Variants in RMDN2 observed in about 807,000 individuals in gnomAD.
RMDN2 encodes the protein regulator of microtubule dynamics 2.
Under a neutral mutation model 52.8 loss-of-function variants are expected in RMDN2, and 61 were observed. That is an observed-to-expected ratio of 1.16 (90% CI 0.94 to 1.43). RMDN2 has a LOEUF of 1.43. Among genes scored for constraint, RMDN2 ranks in the 40% most tolerant of loss-of-function variants. The probability of loss-of-function intolerance (pLI) is 0.00; values close to 1 mark genes in which losing one functional copy is unlikely to be tolerated. For missense variants in RMDN2, 592 were observed against 475.3 expected (o/e 1.25, Z -2.28); for synonymous variants, 180 against 153.1 (o/e 1.18, Z -1.30).
intron 2 of RMDN2, among the ~76,000 whole-genome samples, chr2:37,941,590 G>T (rs547748195): frequency 4.6e-5 from 7 of 152,230 alleles, no homozygotes; most frequent in Non-Finnish European, 1.0e-4. Context: ...GGGATGCCCT[G>T]CCCAGAGAGG....
intron 10 of RMDN2, chr2:38,012,772 C>G (rs555664136): frequency 8.4e-5 from 25 of 296,178 alleles, no homozygotes; most frequent in African/African-American, 5.6e-4. Flanking sequence ...AGTGATTTTG[C>G]TAACCAAGTT....
intron 10 of RMDN2, among the ~76,000 whole-genome samples, chr2:38,013,910 G>T (rs893311439): frequency 6.6e-6 from 1 of 152,156 alleles, no homozygotes; most frequent in African/African-American, 2.4e-5. Context: ...GTACTTTTTA[G>T]AAAATTAATA....
At chr2:37,987,620 G>T (rs897487658) in intron 5 of RMDN2, among the ~76,000 whole-genome samples, 2 of 152,202 alleles carry the variant, frequency 1.3e-5, no homozygotes, top group Admixed American at 1.3e-4. Context: ...GTATACACAT[G>T]TCATTATACA....
In RMDN2 at chr2:37,974,205, CA is replaced by C. The variant is rs1352337189; in HGVS notation, c.621del (p.Glu208LysfsTer7). Reference protein sequence around the residue: ...SESFELLRDHKEKFRDEIEFM... With the variant: ...SESFELLRDHXEKFRDEIEFM... ...AGAGTTTTGAACTACTTCGTGACCA[CA>C]AAGAAAAGGTAAGAGACATAACAAT... is the stretch of plus-strand genomic sequence containing the variant. On this transcript the variant is annotated frameshift_variant, in exon 3 of 11. Coordinates refer to ENST00000354545, the MANE Select transcript of RMDN2 (RefSeq NM_001170791.3). LOFTEE classifies it high-confidence loss of function. 6.2e-7 allele frequency: 1 copy of C among 1,609,600 alleles called. No homozygotes were observed. Among genetic ancestry groups the C allele is most frequent in the Non-Finnish European group, 8.5e-7 (1 of 1,177,954 alleles).
chr2:37,938,485 G>T (rs1352383260), intron 2 of RMDN2, among the ~76,000 whole-genome samples: 2 of 152,210 alleles, frequency 1.3e-5, no homozygotes, highest in Admixed American at 1.3e-4. Flanking sequence ...GCTCCACTTT[G>T]TACCTCTGGT....
chr2:37,987,284 A>G (rs1572952068), intron 5 of RMDN2, among the ~76,000 whole-genome samples: 1 of 152,188 alleles, frequency 6.6e-6, no homozygotes, highest in Non-Finnish European at 1.5e-5. Flanking sequence ...TCTATGAGAA[A>G]CGCTTAACAA....
chr2:37,942,805 C>G (rs1000007916), intron 2 of RMDN2, among the ~76,000 whole-genome samples: 2 of 152,160 alleles, frequency 1.3e-5, no homozygotes, highest in Non-Finnish European at 2.9e-5. Context: ...CAGGCACTGT[C>G]TGAACTCTGG....
intron 10 of RMDN2, among the ~76,000 whole-genome samples, chr2:38,066,247 A>G (rs1682274719): frequency 6.6e-6 from 1 of 152,182 alleles, no homozygotes; most frequent in South Asian, 2.1e-4. Flanking sequence ...TCTTCCCTCC[A>G]TATCTGACAC....
chr2:38,034,731 A>G (rs1331537413), intron 10 of RMDN2, among the ~76,000 whole-genome samples: 1 of 150,850 alleles, frequency 6.6e-6, no homozygotes, highest in Non-Finnish European at 1.5e-5. Flanking sequence ...TTATTTATAA[A>G]TTATACGTAT....
Position 38,017,552 on chromosome 2 carries a change from A to G in RMDN2, c.*313A>G. The G allele has an allele frequency of 8.6e-7, 1 of 1,160,424 alleles. No homozygotes were observed. Among genetic ancestry groups the G allele is most frequent in the Non-Finnish European group, 1.1e-6 (1 of 877,440 alleles). 71.9% of individuals were successfully genotyped at this position (1,160,424 alleles called of 1,614,324 possible). A position where few individuals can be genotyped will look rare whatever the true frequency, so the allele number is the denominator to read the frequency against. On this transcript the variant is annotated 3_prime_UTR_variant, in exon 11 of 11. Transcript: ENST00000354545. ...TTTAAATCCAATAAAATGAATTCTCATGAATATTTTATTGTTTCAATGGAG... is the reference window on the plus strand; with the variant it reads ...TTTAAATCCAATAAAATGAATTCTCGTGAATATTTTATTGTTTCAATGGAG...
intron 2 of RMDN2, among the ~76,000 whole-genome samples, chr2:37,943,711 A>G (rs1420900266): frequency 1.3e-5 from 2 of 152,138 alleles, no homozygotes; most frequent in African/African-American, 4.8e-5. Context: ...GCTCCATTCT[A>G]TTATATATGC....
downstream of RMDN2, among the ~76,000 whole-genome samples, chr2:38,022,424 G>C (rs999161158): frequency 1.3e-5 from 2 of 152,164 alleles, no homozygotes; most frequent in African/African-American, 4.8e-5. Flanking sequence ...CTGAAATGAG[G>C]ATTGTTCCTG....
At chr2:38,020,093 A>G (rs901439632), downstream of RMDN2, among the ~76,000 whole-genome samples, 1 of 152,208 alleles carries the variant, frequency 6.6e-6, no homozygotes, top group East Asian at 1.9e-4. Context: ...ACCAGGGGCC[A>G]GTTTCATGGA....
In RMDN2 at chr2:38,024,915, A is replaced by G. The variant is rs368726854; in HGVS notation, c.1713+20699A>G. On this transcript the variant is annotated intron_variant, in intron 10 of 10. Transcript: ENST00000234195. ...ATTTATTGATCTCAACACCAATACC[A>G]CATCATGTTGATTAATGTAGTTTTC... Among the ~76,000 whole-genome samples, 58 of 152,206 alleles carry G rather than the reference A, an allele frequency of 3.8e-4. No individual in the cohort carries two copies. In the East Asian group the frequency reaches 6.6e-3, roughly 17 times the overall value.
At chr2:38,021,546 T>C (rs1256288732), downstream of RMDN2, among the ~76,000 whole-genome samples, 3 of 151,896 alleles carry the variant, frequency 2.0e-5, no homozygotes, top group Admixed American at 2.0e-4. Flanking sequence ...AGGAAGAAAC[T>C]CCGAACACAT....
intron 2 of RMDN2, among the ~76,000 whole-genome samples, chr2:37,968,256 C>T (rs983401547): frequency 7.9e-5 from 12 of 151,966 alleles, no homozygotes; most frequent in Non-Finnish European, 1.6e-4. Context: ...GCCTGGCCAA[C>T]ATGGTGAAAC....
chr2:38,064,657 T>G (rs1164413790), intron 10 of RMDN2, among the ~76,000 whole-genome samples: 2 of 152,082 alleles, frequency 1.3e-5, no homozygotes, highest in African/African-American at 4.8e-5. Context: ...CATAACAAAA[T>G]TGTTGGGACT....
intron 8 of RMDN2, among the ~76,000 whole-genome samples, chr2:38,003,599 GATAGGCAGA>G (rs1676646075): frequency 1.3e-5 from 2 of 151,918 alleles, no homozygotes; most frequent in East Asian, 3.9e-4. Flanking sequence ...TAGATAGATA[GATAGGCAGA>G]CAGACAGACA....
chr2:37,959,747 G>A lies in RMDN2; in HGVS notation c.453-14293G>A, dbSNP rs146124808. The stretch of plus-strand genomic sequence containing the variant: ...GTTCTTTTAATTGTGATGTTAGGGT[G>A]TCAATTTTAGATCTTTTCTGCTTTC... On this transcript the variant is annotated intron_variant, in intron 2 of 10. Transcript: ENST00000354545. Among the ~76,000 whole-genome samples the A allele has an allele frequency of 1.0e-3, 158 of 150,964 alleles. 2 individuals carry two copies. The East Asian group carries it at 0.026, about 25-fold the overall frequency.
Sources: gnomAD v4.1 joint callset for allele counts (sites outside exome capture counted in the v4.1 genomes callset) on GRCh38, gnomAD v4.1.1 for gene constraint, MANE v1.5 for transcripts, NCBI Gene and HGNC (gene_info 2026-07-23, HGNC 2026-07-21) for gene names.